The following EYS variants were observed in gnomAD, a reference collection of about 807,000 sequenced individuals.
EYS encodes protein eyes shut homolog.
A neutral mutation model predicts 282.1 loss-of-function variants in EYS; 250 were observed. The ratio of observed to expected loss-of-function variants is 0.89; its 90% confidence interval spans 0.80 to 0.98. The LOEUF is 0.98. Ranked by LOEUF, EYS falls within the 50% of genes least tolerant of loss-of-function variation. The probability of loss-of-function intolerance (pLI) is 0.00; values close to 1 mark genes in which losing one functional copy is unlikely to be tolerated. For missense variants in EYS, 4,016 were observed against 3,709.0 expected (o/e 1.08, Z -2.15); for synonymous variants, 1,355 against 1,282.9 (o/e 1.06, Z -1.20).
intron 26 of EYS, among the ~76,000 whole-genome samples, chr6:64,471,491 A>T (rs1776119745): frequency 1.3e-5 from 2 of 152,188 alleles, no homozygotes; most frequent in African/African-American, 2.4e-5. Flanking sequence ...TCCTATTCAC[A>T]ATAACTACAA....
At chr6:65,468,160 G>A (rs1765077445) in intron 5 of EYS, among the ~76,000 whole-genome samples, 1 of 152,106 alleles carries the variant, frequency 6.6e-6, no homozygotes, top group Non-Finnish European at 1.5e-5. Flanking sequence ...GTAACAAAAA[G>A]CTGTTTCCAG....
intron 29 of EYS, among the ~76,000 whole-genome samples, chr6:64,337,730 A>G (rs1770907808): frequency 6.6e-6 from 1 of 152,132 alleles, no homozygotes; most frequent in African/African-American, 2.4e-5. Context: ...AAAATCCTTA[A>G]CAAAATACTA....
intron 2 of EYS, among the ~76,000 whole-genome samples, chr6:65,542,617 C>A (rs1372244248): frequency 6.6e-6 from 1 of 151,744 alleles, no homozygotes; most frequent in African/African-American, 2.4e-5. Flanking sequence ...ATTCCAAATT[C>A]CATTTTTTAT....
At position 63,875,913 on chromosome 6, in the gene EYS, A is replaced by C. The variant is rs539164156; in HGVS notation, c.7056-11555T>G. On this transcript the variant is annotated intron_variant, in intron 35 of 42. Transcript: ENST00000503581. ...GTCTATCAATTTTGTTGATCTTTTC[A>C]AAAAACCAGCTCCTGGATTCGTTGA... Among the ~76,000 whole-genome samples the C allele has an allele frequency of 2.5e-4, 38 of 152,210 alleles. 1 individual carries two copies. In the South Asian group the frequency reaches 7.5e-3, roughly 30 times the overall value.
At chr6:64,167,271 A>T (rs993713477) in intron 31 of EYS, among the ~76,000 whole-genome samples, 1 of 152,232 alleles carries the variant, frequency 6.6e-6, no homozygotes, top group Non-Finnish European at 1.5e-5. Flanking sequence ...ATTAAATTAT[A>T]CATCAATGTG....
At chr6:64,707,545 T>C (rs1771068036) in intron 22 of EYS, among the ~76,000 whole-genome samples, 1 of 151,700 alleles carries the variant, frequency 6.6e-6, no homozygotes, top group South Asian at 2.1e-4. Context: ...GGCGGGCGCC[T>C]GTAGTCCCAG....
chr6:64,120,312 C>G (rs1293108485), intron 31 of EYS, among the ~76,000 whole-genome samples: 1 of 142,012 alleles, frequency 7.0e-6, no homozygotes, highest in African/African-American at 2.7e-5. Context: ...GAGGAGATCG[C>G]ACCACTGCAC....
chr6:64,554,492 A>T (rs1002119637), intron 26 of EYS, among the ~76,000 whole-genome samples: 2 of 152,040 alleles, frequency 1.3e-5, no homozygotes, highest in East Asian at 3.9e-4. Context: ...GATAATTCCA[A>T]CCCTAAAAAA....
chr6:64,923,376 G>T (rs776480750), intron 15 of EYS, among the ~76,000 whole-genome samples: 3 of 152,104 alleles, frequency 2.0e-5, no homozygotes, highest in Non-Finnish European at 4.4e-5. Flanking sequence ...CTCCCCCTGG[G>T]TCCCTTCCAT....
chr6:64,552,891 C>T (rs1765127011), intron 26 of EYS, among the ~76,000 whole-genome samples: 3 of 151,904 alleles, frequency 2.0e-5, no homozygotes, highest in Non-Finnish European at 2.9e-5. Context: ...TGCACTCCAG[C>T]CTGGGCAACA....
At chr6:64,071,906 G>A (rs1006016384) in intron 32 of EYS, among the ~76,000 whole-genome samples, 2 of 151,526 alleles carry the variant, frequency 1.3e-5, no homozygotes, top group African/African-American at 4.8e-5. Flanking sequence ...TCTCGCACTG[G>A]ACAAAGATGC....
intron 35 of EYS, among the ~76,000 whole-genome samples, chr6:63,894,573 T>TTTGTTTG (rs1317520035): frequency 9.3e-5 from 14 of 151,280 alleles, no homozygotes; most frequent in Non-Finnish European, 4.4e-5. Flanking sequence ...TGTTGTTTTT[T>TTTGTTTG]TTTGTTTGTT....
chr6:65,041,937 T>C (rs574894994), intron 13 of EYS, among the ~76,000 whole-genome samples: 1 of 151,840 alleles, frequency 6.6e-6, no homozygotes, highest in East Asian at 1.9e-4. Context: ...GTTTTATTTA[T>C]GGTAGCATCT....
At chr6:65,382,469 G>GTGTGTGTC (rs1554190287) in intron 8 of EYS, among the ~76,000 whole-genome samples, 1 of 147,252 alleles carries the variant, frequency 6.8e-6, no homozygotes, top group African/African-American at 2.6e-5. Flanking sequence ...GTGTGTGTGT[G>GTGTGTGTC]TGTGTGTGTG....
intron 31 of EYS, among the ~76,000 whole-genome samples, chr6:64,092,280 G>C (rs959211041): frequency 2.0e-5 from 3 of 152,188 alleles, no homozygotes; most frequent in South Asian, 4.2e-4. Flanking sequence ...AATGGGATGG[G>C]TGGGTCAAAT....
intron 31 of EYS, among the ~76,000 whole-genome samples, chr6:64,151,329 A>ATATATATATATT (rs1774710943): frequency 1.0e-5 from 1 of 96,074 alleles, no homozygotes; most frequent in African/African-American, 5.9e-5. Flanking sequence ...ATATATATAT[A>ATATATATATATT]TATATATATA....
chr6:65,357,861 T>A (rs1052745146), intron 8 of EYS, among the ~76,000 whole-genome samples: 5 of 142,972 alleles, frequency 3.5e-5, no homozygotes, highest in African/African-American at 1.2e-4. Context: ...GCTAAAACAC[T>A]ATTTTTTTTC....
intron 18 of EYS, among the ~76,000 whole-genome samples, chr6:64,901,244 T>C (rs755522830): frequency 1.7e-4 from 24 of 143,110 alleles, no homozygotes; most frequent in Non-Finnish European, 2.7e-4. Flanking sequence ...CTGTCAGGGG[T>C]TGGGGGGCAA....
At chr6:64,916,097 A>G (rs1302540687) in intron 15 of EYS, among the ~76,000 whole-genome samples, 3 of 152,210 alleles carry the variant, frequency 2.0e-5, no homozygotes, top group Admixed American at 2.0e-4. Context: ...CAGTTAATAT[A>G]CTATGGCAAT....
Sources: gnomAD v4.1 joint callset for allele counts (sites outside exome capture counted in the v4.1 genomes callset) on GRCh38, gnomAD v4.1.1 for gene constraint, MANE v1.5 for transcripts, NCBI Gene and HGNC (gene_info 2026-07-23, HGNC 2026-07-21) for gene names.